Variants in CTNNA2 observed in about 807,000 individuals in gnomAD.
CTNNA2 encodes the protein catenin alpha 2, also known as catenin alpha-2.
Under a neutral mutation model 101.0 loss-of-function variants are expected in CTNNA2, and 42 were observed. That is an observed-to-expected ratio of 0.42 (90% CI 0.32 to 0.54). The LOEUF (loss-of-function observed/expected upper bound fraction) is 0.54, where lower values mean the gene tolerates loss of function less well. CTNNA2 is among the 20% of genes least tolerant of loss of function. The pLI is 0.14. For synonymous variants in CTNNA2, 450 were observed against 456.4 expected, an observed-to-expected ratio of 0.99 and a Z score of 0.18; for missense variants, 871 against 1,223.1, an observed-to-expected ratio of 0.71 and a Z score of 4.29.
chr2:79,774,917 G>A (rs1673851403), intron 3 of CTNNA2, among the ~76,000 whole-genome samples: 1 of 152,160 alleles, frequency 6.6e-6, no homozygotes, highest in African/African-American at 2.4e-5. Flanking sequence ...AGGATGAATT[G>A]TTCCTATATT....
intron 3 of CTNNA2, among the ~76,000 whole-genome samples, chr2:79,370,529 T>G (rs1677846610): frequency 1.3e-5 from 2 of 152,188 alleles, no homozygotes; most frequent in African/African-American, 4.8e-5. Flanking sequence ...TGCTAGGGCA[T>G]GTGGGCTACG....
intron 7 of CTNNA2, among the ~76,000 whole-genome samples, chr2:80,042,908 C>T (rs954898032): frequency 7.9e-5 from 12 of 152,114 alleles, no homozygotes; most frequent in African/African-American, 2.7e-4. Flanking sequence ...GGGGTTGAGA[C>T]TTTGGAGCCT....
At chr2:79,650,330 A>G (rs1681139047) in intron 1 of CTNNA2, among the ~76,000 whole-genome samples, 1 of 152,130 alleles carries the variant, frequency 6.6e-6, no homozygotes, top group Non-Finnish European at 1.5e-5. Flanking sequence ...ATGTAAATGT[A>G]GTGAGTAATC....
chr2:79,312,783 A>G (rs989313369), exon 3 of CTNNA2: 1 of 152,204 alleles, frequency 6.6e-6, no homozygotes, highest in African/African-American at 2.4e-5. Flanking sequence ...TCACACAGCA[A>G]TCTCATCAAA....
intron 4 of CTNNA2, among the ~76,000 whole-genome samples, chr2:79,494,209 G>T (rs1671232287): frequency 6.6e-6 from 1 of 151,236 alleles, no homozygotes; most frequent in Non-Finnish European, 1.5e-5. Context: ...TCATGTTCAT[G>T]GAACAGATAA....
chr2:79,953,709 G>C (rs143520021), intron 7 of CTNNA2, among the ~76,000 whole-genome samples: 1 of 152,250 alleles, frequency 6.6e-6, no homozygotes, highest in East Asian at 1.9e-4. Flanking sequence ...TTCTTTATCT[G>C]TAAAATGGAA....
At chr2:79,816,570 A>G (rs1677520446) in intron 3 of CTNNA2, among the ~76,000 whole-genome samples, 1 of 152,166 alleles carries the variant, frequency 6.6e-6, no homozygotes. Context: ...CCTTACTAGG[A>G]AGCCAAAAGA....
chr2:80,049,200 A>C (rs1294295028), intron 7 of CTNNA2, among the ~76,000 whole-genome samples: 1 of 152,156 alleles, frequency 6.6e-6, no homozygotes, highest in Non-Finnish European at 1.5e-5. Context: ...TGGCCAGTTT[A>C]TGTGTCATTC....
In CTNNA2 at chr2:79,687,814, C is replaced by G. The variant is rs897397892; in HGVS notation, c.102+36156C>G. 5 of 450,016 alleles carry G rather than the reference C, an allele frequency of 1.1e-5. No individual in the cohort carries two copies. The East Asian group carries it at 2.0e-4, about 18-fold the overall frequency. 27.9% of individuals were successfully genotyped at this position (450,016 alleles called of 1,614,324 possible). ...ACAGGCGCCAAAAATGGATTTCACA[C>G]TTAGGGTTTCTGGCAAGCCCTGATT... On this transcript the variant is annotated intron_variant, in intron 2 of 18. Transcript: ENST00000402739.
intron 9 of CTNNA2, among the ~76,000 whole-genome samples, chr2:80,467,108 C>T (rs964163539): frequency 3.3e-5 from 5 of 152,068 alleles, no homozygotes; most frequent in African/African-American, 9.7e-5. Context: ...AAATGTCTTT[C>T]AGGGAGAGAT....
chr2:80,045,810 GAAA>G (rs775909900), intron 7 of CTNNA2, among the ~76,000 whole-genome samples: 19 of 151,668 alleles, frequency 1.3e-4, no homozygotes, highest in Non-Finnish European at 2.1e-4. Context: ...ACAGGCCATT[GAAA>G]AAAAATGTGC....
intron 4 of CTNNA2, among the ~76,000 whole-genome samples, chr2:79,501,239 A>G (rs1289213088): frequency 6.6e-6 from 1 of 152,190 alleles, no homozygotes; most frequent in Non-Finnish European, 1.5e-5. Context: ...CACATTTACC[A>G]AATTATCTGT....
chr2:80,324,855 C>G (rs1679088572), intron 7 of CTNNA2, among the ~76,000 whole-genome samples: 1 of 152,130 alleles, frequency 6.6e-6, no homozygotes, highest in South Asian at 2.1e-4. Context: ...ATAGCCATCT[C>G]CTTTTCGTCA....
intron 1 of CTNNA2, among the ~76,000 whole-genome samples, chr2:79,538,314 T>C (rs1211947755): frequency 4.6e-5 from 7 of 152,212 alleles, no homozygotes; most frequent in Non-Finnish European, 8.8e-5. Flanking sequence ...AAAAACCTTA[T>C]ACCGCCTGTA....
chr2:80,021,643 A>G (rs1694573114), intron 7 of CTNNA2, among the ~76,000 whole-genome samples: 1 of 152,196 alleles, frequency 6.6e-6, no homozygotes, highest in African/African-American at 2.4e-5. Context: ...ATACATCATG[A>G]TATTTTGATA....
intron 17 of CTNNA2, among the ~76,000 whole-genome samples, chr2:80,610,568 T>C (rs576834455): frequency 6.6e-6 from 1 of 151,812 alleles, no homozygotes; most frequent in Admixed American, 6.6e-5. Flanking sequence ...CTCTGAAATA[T>C]ATGAAAGCCC....
chr2:80,596,299 T>G (rs1696964425), intron 15 of CTNNA2, among the ~76,000 whole-genome samples: 21 of 57,076 alleles, frequency 3.7e-4, no homozygotes, highest in Admixed American at 5.6e-4. Context: ...TTTTTTTTTT[T>G]TTTTTTTTTT....
intron 2 of CTNNA2, among the ~76,000 whole-genome samples, chr2:79,723,306 G>C (rs1686605988): frequency 6.6e-6 from 1 of 152,168 alleles, no homozygotes; most frequent in African/African-American, 2.4e-5. Context: ...TTTCTCATTT[G>C]TGAAGAGGAA....
At chr2:80,227,463 C>A (rs989365777) in intron 7 of CTNNA2, among the ~76,000 whole-genome samples, 2 of 152,216 alleles carry the variant, frequency 1.3e-5, no homozygotes, top group Non-Finnish European at 2.9e-5. Context: ...TCTCACGTTA[C>A]AATCCACGCC....
Sources: gnomAD v4.1 joint callset for allele counts (sites outside exome capture counted in the v4.1 genomes callset) on GRCh38, gnomAD v4.1.1 for gene constraint, MANE v1.5 for transcripts, NCBI Gene and HGNC (gene_info 2026-07-23, HGNC 2026-07-21) for gene names.